The following DCAF12 variants were observed in gnomAD, a reference collection of about 807,000 sequenced individuals.
DCAF12 encodes the protein DDB1 and CUL4 associated factor 12, also known as DDB1- and CUL4-associated factor 12.
In DCAF12, 28 loss-of-function variants were observed where a neutral mutation model predicts 52.8. The ratio of observed to expected loss-of-function variants is 0.53; its 90% CI spans 0.39 to 0.73. The LOEUF is 0.73. Among genes scored for constraint, DCAF12 ranks in the 30% least tolerant of loss-of-function variants. The probability of loss-of-function intolerance (pLI) is 0.00; values close to 1 mark genes in which losing one functional copy is unlikely to be tolerated. For missense variants in DCAF12, 425 were observed against 552.2 expected (o/e 0.77, Z 2.31); for synonymous variants, 196 against 215.5 (o/e 0.91, Z 0.79).
At chr9:34,097,256 C>CTTTTTTTT (rs999860045) in intron 5 of DCAF12, among the ~76,000 whole-genome samples, 2 of 94,850 alleles carry the variant, frequency 2.1e-5, no homozygotes, top group Non-Finnish European at 4.2e-5. Context: ...TCTGACACTG[C>CTTTTTTTT]TTTTTTTTTT....
chr9:34,102,480 G>A (rs980278571), intron 4 of DCAF12, among the ~76,000 whole-genome samples: 1 of 151,684 alleles, frequency 6.6e-6, no homozygotes, highest in African/African-American at 2.4e-5. Context: ...GACCAACATG[G>A]TGAAACCCTG....
chr9:34,100,958 A>T (rs1828819052), intron 4 of DCAF12, among the ~76,000 whole-genome samples: 1 of 151,756 alleles, frequency 6.6e-6, no homozygotes, highest in African/African-American at 2.4e-5. Flanking sequence ...TTTTCTAGAA[A>T]ATTACACAAA....
intron 2 of DCAF12, among the ~76,000 whole-genome samples, chr9:34,113,727 T>C (rs1829041786): frequency 1.3e-5 from 2 of 152,228 alleles, no homozygotes; most frequent in South Asian, 2.1e-4. Context: ...TAGGCATTTC[T>C]GAATTTGCAT....
At chr9:34,104,081 C>T (rs933852546) in intron 4 of DCAF12, among the ~76,000 whole-genome samples, 1 of 151,728 alleles carries the variant, frequency 6.6e-6, no homozygotes, top group African/African-American at 2.4e-5. Context: ...CCAGCCTGGC[C>T]AACATGGTGA....
At chr9:34,114,955 A>C (rs1185150449) in intron 2 of DCAF12, among the ~76,000 whole-genome samples, 1 of 152,118 alleles carries the variant, frequency 6.6e-6, no homozygotes, top group Non-Finnish European at 1.5e-5. Flanking sequence ...TGACAGAGCA[A>C]GACCTTGCCT....
chr9:34,097,627 GGA>G (rs1828756282), intron 5 of DCAF12, among the ~76,000 whole-genome samples: 1 of 151,832 alleles, frequency 6.6e-6, no homozygotes, highest in African/African-American at 2.4e-5. Flanking sequence ...AAATGTGAAG[GGA>G]AAGTAGGCAG....
At chr9:34,101,721 T>C (rs1828832572) in intron 4 of DCAF12, among the ~76,000 whole-genome samples, 1 of 152,026 alleles carries the variant, frequency 6.6e-6, no homozygotes, top group Non-Finnish European at 1.5e-5. Flanking sequence ...ATGACTGTTC[T>C]AGACCGTTCT....
intron 1 of DCAF12, chr9:34,125,580 A>G (rs534795119): frequency 4.0e-6 from 2 of 505,044 alleles, no homozygotes; most frequent in Non-Finnish European, 8.0e-6. Flanking sequence ...ATTGAAGGAA[A>G]TGAGAGGTAG....
rs747447158 is a variant in DCAF12 at position 34,088,513 on chromosome 9, G to C, written c.1204-5C>G. 2 of 1,614,008 alleles carry C rather than the reference G, an allele frequency of 1.2e-6. No homozygotes were observed. The highest frequency in any genetic ancestry group is 3.3e-5 in the Admixed American group (2 of 60,016). ...CCTCCAGGTTTCATCATGATTCTAC[G>C]GGAAGAGAAAGAGACTACAATTAGC... On this transcript the variant is annotated splice_region_variant and splice_polypyrimidine_tract_variant and intron_variant, in intron 8 of 8. Coordinates refer to ENST00000361264, the MANE Select transcript of DCAF12 (RefSeq NM_015397.4).
rs1377989049 is a variant in DCAF12, at chr9:34,086,569, C to G, written c.*1781G>C. ...AAGTCAGTTTAAAATGATAGAAGTT[C>G]TGTGAGAACTAAGAAATCTACAGCC... is the stretch of plus-strand genomic sequence containing the variant. On this transcript the variant is annotated 3_prime_UTR_variant, in exon 9 of 9. Transcript: ENST00000361264. The G allele has an allele frequency of 6.6e-6, 1 of 151,700 alleles. No homozygotes were observed. The highest frequency in any genetic ancestry group is 1.5e-5 in the Non-Finnish European group (1 of 67,944). The allele number at this position is 151,700 out of a possible 1,614,324, so 9.4% of individuals were successfully genotyped here. A position where few individuals can be genotyped will look rare whatever the true frequency, so the allele number is the denominator to read the frequency against.
At chr9:34,088,627 C>T in intron 8 of DCAF12, 119 bp from the exon 9 acceptor site, 1 of 1,126,152 alleles carries the variant, frequency 8.9e-7, no homozygotes, top group South Asian at 1.4e-5. Context: ...CAGGTACAAC[C>T]TCATGTCAGG....
intron 2 of DCAF12, among the ~76,000 whole-genome samples, chr9:34,117,340 C>CA (rs1158016934): frequency 6.7e-6 from 1 of 149,642 alleles, no homozygotes; most frequent in Non-Finnish European, 1.5e-5. Flanking sequence ...TTAGTAGAGA[C>CA]AGGGTTTCAC....
chr9:34,111,078 T>C (rs557413687), intron 2 of DCAF12, among the ~76,000 whole-genome samples: 1 of 149,198 alleles, frequency 6.7e-6, no homozygotes, highest in African/African-American at 2.5e-5. Flanking sequence ...CTCTGCCTCC[T>C]GGGTTCAAGC....
chr9:34,120,480 G>A (rs1173953331), intron 2 of DCAF12, among the ~76,000 whole-genome samples: 1 of 151,730 alleles, frequency 6.6e-6, no homozygotes, highest in Non-Finnish European at 1.5e-5. Flanking sequence ...AGACCAGCCT[G>A]GCCAGCATGG....
At chr9:34,092,684 CA>C (rs554169645) in intron 7 of DCAF12, among the ~76,000 whole-genome samples, 20 of 135,802 alleles carry the variant, frequency 1.5e-4, no homozygotes, top group African/African-American at 2.5e-4. Context: ...GACTCTGTCT[CA>C]AAAAAAAAAA....
chr9:34,095,393 T>TA, intron 6 of DCAF12, among the ~76,000 whole-genome samples: 1 of 115,312 alleles, frequency 8.7e-6, no homozygotes, highest in Non-Finnish European at 1.9e-5. Context: ...TTTTTTTTTT[T>TA]TTTTTGAGAT....
chr9:34,124,991 A>G (rs368300161), intron 2 of DCAF12, 32 bp downstream of exon 2: 26 of 1,610,594 alleles, frequency 1.6e-5, no homozygotes, highest in Non-Finnish European at 2.1e-5. Flanking sequence ...TCCACGACCT[A>G]GGAGAGAGGT....
intron 2 of DCAF12, among the ~76,000 whole-genome samples, chr9:34,110,601 C>T (rs534653534): frequency 2.6e-5 from 4 of 152,284 alleles, no homozygotes; most frequent in Admixed American, 1.3e-4. Context: ...GGCATTAAGA[C>T]TCTCCTCGGG....
At chr9:34,105,193 T>C (rs1176889140) in intron 4 of DCAF12, among the ~76,000 whole-genome samples, 1 of 150,706 alleles carries the variant, frequency 6.6e-6, no homozygotes, top group African/African-American at 2.4e-5. Flanking sequence ...GCGGAGGTTG[T>C]GGTGAGCCGA....
Sources: allele counts gnomAD v4.1 joint callset (sites outside exome capture counted in the v4.1 genomes callset), GRCh38; gene constraint gnomAD v4.1.1; transcripts MANE v1.5; gene names NCBI Gene and HGNC (gene_info 2026-07-23, HGNC 2026-07-21).